The following EPHB1 variants were observed in gnomAD, a reference collection of about 807,000 sequenced individuals.
EPHB1 encodes the protein ephrin type-B receptor 1.
Under a neutral mutation model 94.4 loss-of-function variants are expected in EPHB1, and 30 were observed. That is an observed-to-expected ratio of 0.32 (90% confidence interval 0.24 to 0.43). The LOEUF is 0.43. EPHB1 is among the 20% of genes least tolerant of loss of function. The pLI, the probability that EPHB1 is intolerant of heterozygous loss-of-function variation, is 1.00. For missense variants in EPHB1, 1,055 were observed against 1,308.3 expected (o/e 0.81, Z 2.99); for synonymous variants, 522 against 489.1 (o/e 1.07, Z -0.89).
chr3:135,230,292 CTTGGAGGAGGGCATTT>C (rs1159186289), intron 12 of EPHB1, among the ~76,000 whole-genome samples: 1 of 152,142 alleles, frequency 6.6e-6, no homozygotes, highest in Non-Finnish European at 1.5e-5. Flanking sequence ...CCCCACCTGC[CTTGGAGGAGGGCATTT>C]TTGTTTCAGC....
intron 3 of EPHB1, among the ~76,000 whole-genome samples, chr3:135,081,724 C>G (rs540794350): frequency 1.2e-4 from 19 of 152,260 alleles, no homozygotes; most frequent in African/African-American, 4.3e-4. Flanking sequence ...TCCAGCCCCT[C>G]TGAGCCTGAG....
At chr3:134,915,707 G>T (rs568842630) in intron 1 of EPHB1, among the ~76,000 whole-genome samples, 1 of 152,214 alleles carries the variant, frequency 6.6e-6, no homozygotes, top group Admixed American at 6.5e-5. Flanking sequence ...CGCAGTGAGG[G>T]TTACAACTCT....
intron 3 of EPHB1, among the ~76,000 whole-genome samples, chr3:135,060,250 G>T: frequency 6.6e-6 from 1 of 152,102 alleles, no homozygotes; most frequent in East Asian, 1.9e-4. Flanking sequence ...GCCTACTCTG[G>T]ACATTTTATA....
chr3:135,086,066 C>A (rs1938350064), intron 3 of EPHB1, among the ~76,000 whole-genome samples: 1 of 152,158 alleles, frequency 6.6e-6, no homozygotes, highest in Non-Finnish European at 1.5e-5. Flanking sequence ...TACTAACTCC[C>A]TTTCCACAGA....
chr3:134,916,800 G>C (rs897634443), intron 1 of EPHB1, among the ~76,000 whole-genome samples: 2 of 152,220 alleles, frequency 1.3e-5, no homozygotes, highest in Admixed American at 6.5e-5. Flanking sequence ...GCCCAGAGAA[G>C]GGCTCCCAAG....
intron 3 of EPHB1, among the ~76,000 whole-genome samples, chr3:134,997,410 C>T (rs1465643424): frequency 2.6e-5 from 4 of 152,172 alleles, no homozygotes; most frequent in Non-Finnish European, 5.9e-5. Flanking sequence ...AATTCAGTAA[C>T]ATTTTATTAC....
chr3:135,119,382 T>C (rs1939852376), intron 4 of EPHB1, among the ~76,000 whole-genome samples: 1 of 152,168 alleles, frequency 6.6e-6, no homozygotes, highest in African/African-American at 2.4e-5. Context: ...TTTGACTACA[T>C]TTTATATATG....
At position 135,260,010 on chromosome 3, in the gene EPHB1, A is replaced by G. The variant is rs558897473; in HGVS notation, c.*890A>G. On this transcript the variant is annotated 3_prime_UTR_variant, in exon 16 of 16. Coordinates refer to ENST00000398015, the MANE Select transcript of EPHB1 (RefSeq NM_004441.5). The stretch of plus-strand genomic sequence containing the variant: ...TTGGCCCAATCGGCCTATTGGCTCA[A>G]TGGGAAGAGAGGAGAGGGAGAAAAA... The G allele has an allele frequency of 4.3e-6, 1 of 232,426 alleles. No individual in the cohort carries two copies. The highest frequency in any genetic ancestry group is 8.5e-6 in the Non-Finnish European group (1 of 117,284). 14.4% of individuals were successfully genotyped at this position (232,426 alleles called of 1,614,324 possible).
chr3:134,823,414 T>A (rs2036418915), intron 1 of EPHB1, among the ~76,000 whole-genome samples: 1 of 152,180 alleles, frequency 6.6e-6, no homozygotes, highest in Admixed American at 6.5e-5. Flanking sequence ...CCAGGGGTTG[T>A]GCTGAAAAAG....
At position 134,795,357 on chromosome 3, in the gene EPHB1, C is replaced by G. The variant is rs2035799490; in HGVS notation, c.-275C>G. ...GCGCGCTCTCCCAGGCTCGTTCTCC[C>G]TCGCCCTCTCTCTCTCACACACGCA... On this transcript the variant is annotated 5_prime_UTR_variant, in exon 1 of 16. Coordinates refer to ENST00000398015, the MANE Select transcript of EPHB1 (RefSeq NM_004441.5). The G allele has an allele frequency of 2.0e-6, 1 of 504,308 alleles. No individual in the cohort carries two copies. The highest frequency in any genetic ancestry group is 2.0e-5 in the African/African-American group (1 of 48,876). The allele number at this position is 504,308 out of a possible 1,614,324, so 31.2% of individuals were successfully genotyped here.
At chr3:135,071,451 C>T (rs931836164) in intron 3 of EPHB1, among the ~76,000 whole-genome samples, 1 of 152,170 alleles carries the variant, frequency 6.6e-6, no homozygotes, top group Non-Finnish European at 1.5e-5. Context: ...GAATATGCTG[C>T]ACTGGGGAAA....
At chr3:135,179,178 T>C (rs1942078124) in intron 9 of EPHB1, among the ~76,000 whole-genome samples, 1 of 152,336 alleles carries the variant, frequency 6.6e-6, no homozygotes, top group Non-Finnish European at 1.5e-5. Context: ...TTTATTTGTT[T>C]TTCATACTTC....
intron 15 of EPHB1, among the ~76,000 whole-genome samples, chr3:135,250,868 T>C (rs1481948248): frequency 2.6e-5 from 4 of 152,130 alleles, no homozygotes; most frequent in East Asian, 1.9e-4. Flanking sequence ...TCACCTGTTA[T>C]ACAATGGGCA....
At chr3:135,044,595 G>A (rs1936943367) in intron 3 of EPHB1, among the ~76,000 whole-genome samples, 1 of 152,144 alleles carries the variant, frequency 6.6e-6, no homozygotes, top group South Asian at 2.1e-4. Flanking sequence ...TAGTTTCCTG[G>A]CCTTAAATGG....
At chr3:135,051,604 A>G (rs937732422) in intron 3 of EPHB1, among the ~76,000 whole-genome samples, 1 of 152,236 alleles carries the variant, frequency 6.6e-6, no homozygotes, top group African/African-American at 2.4e-5. Flanking sequence ...TTTGAGAGCA[A>G]CATGCTGAAA....
intron 6 of EPHB1, among the ~76,000 whole-genome samples, chr3:135,158,736 C>G (rs186634564): frequency 1.3e-5 from 2 of 152,306 alleles, no homozygotes; most frequent in Admixed American, 1.3e-4. Context: ...ATCATTCTCT[C>G]TTGTTTACTG....
intron 3 of EPHB1, among the ~76,000 whole-genome samples, chr3:135,003,952 A>G (rs1346507162): frequency 6.6e-6 from 1 of 151,782 alleles, no homozygotes; most frequent in African/African-American, 2.4e-5. Flanking sequence ...CATTTAGTCC[A>G]TTTACATTTA....
chr3:135,117,414 T>C (rs961944386), intron 4 of EPHB1, among the ~76,000 whole-genome samples: 25 of 152,348 alleles, frequency 1.6e-4, no homozygotes, highest in African/African-American at 5.8e-4. Flanking sequence ...GGCTGTGGGC[T>C]TAAAATCTGG....
rs959995814 is a variant in EPHB1 at position 135,124,792 on chromosome 3, T to G, written c.962-7922T>G. Among the ~76,000 whole-genome samples, 3 of 151,588 alleles carry G rather than the reference T, an allele frequency of 2.0e-5. 1 individual carries two copies. Among genetic ancestry groups the G allele is most frequent in the African/African-American group, 7.3e-5 (3 of 40,896 alleles). ...GTGCTCACATGGCTGTTAGAAAAAG[T>G]AGACCAACATGATTTCCCTGAGCTT... On this transcript the variant is annotated intron_variant, in intron 4 of 15. Transcript: ENST00000398015.
Sources: gnomAD v4.1 joint callset for allele counts (sites outside exome capture counted in the v4.1 genomes callset) on GRCh38, gnomAD v4.1.1 for gene constraint, MANE v1.5 for transcripts, NCBI Gene and HGNC (gene_info 2026-07-23, HGNC 2026-07-21) for gene names.